The following STARD9 variants were observed in gnomAD, a reference collection of about 807,000 sequenced individuals.
The protein encoded by STARD9 is stAR-related lipid transfer protein 9.
In STARD9, 346 loss-of-function variants were observed where a neutral mutation model predicts 399.8. The ratio of observed to expected loss-of-function variants is 0.87; its 90% CI spans 0.79 to 0.95. The LOEUF (loss-of-function observed/expected upper bound fraction) is 0.95, where lower values mean the gene tolerates loss of function less well. STARD9 is among the 40% of genes least tolerant of loss of function. STARD9 has a pLI of 0.00. For missense variants in STARD9, 5,832 were observed against 5,667.5 expected, an observed-to-expected ratio of 1.03 and a Z score of -0.93; for synonymous variants, 2,203 against 2,143.5, an observed-to-expected ratio of 1.03 and a Z score of -0.77.
At chr15:42,612,701 C>A (rs1366003222) in intron 3 of STARD9, among the ~76,000 whole-genome samples, 1 of 152,088 alleles carries the variant, frequency 6.6e-6, no homozygotes, top group Non-Finnish European at 1.5e-5. Flanking sequence ...ATAGCAAAAT[C>A]CAGCAGGTTG....
rs1314640387 is a variant in STARD9 at position 42,718,046 on chromosome 15, G to GGGGGCAGGTGTGGTGTCCCA, written c.13631_13650dup (p.Pro4551GlyfsTer38). On this transcript the variant is annotated frameshift_variant, in exon 30 of 33. Transcript: ENST00000290607. LOFTEE classifies it high-confidence loss of function. Reference sequence around the variant, plus strand: ...TTTCTCCCACTCGGCATGGCTTCCTGGGGGCAGGTGTGGTGTCCCAGCCGC... The same window carrying GGGGGCAGGTGTGGTGTCCCA: ...TTTCTCCCACTCGGCATGGCTTCCTGGGGGCAGGTGTGGTGTCCCAGGGGCAGGTGTGGTGTCCCAGCCGC... 6.5e-7 allele frequency: 1 copy of GGGGGCAGGTGTGGTGTCCCA among 1,537,212 alleles called. No homozygotes were observed.
chr15:42,586,803 C>G (rs2058285491), intron 3 of STARD9, among the ~76,000 whole-genome samples: 1 of 151,074 alleles, frequency 6.6e-6, no homozygotes, highest in Admixed American at 6.6e-5. Context: ...AAAAGTCAAA[C>G]TATGTTTTCT....
At chr15:42,716,377 C>T (rs769218685) in intron 26 of STARD9, among the ~76,000 whole-genome samples, 1 of 152,134 alleles carries the variant, frequency 6.6e-6, no homozygotes, top group Non-Finnish European at 1.5e-5. Context: ...CCCTGGTACC[C>T]CCTAGCTTGG....
Position 42,689,865 on chromosome 15 carries a change from T to A in STARD9, c.8287T>A (p.Ser2763Thr), listed in dbSNP as rs1287653831. The change falls in exon 23 of 33, where the codon TCA (serine) becomes ACA (threonine). Residue 2763 changes from serine to threonine, a missense_variant. By Grantham distance (58) the Ser-to-Thr change is moderately conservative. Transcript: ENST00000290607. ...PRVTLHELSQ[S>T]VPQETAEGIP... The stretch of plus-strand genomic sequence containing the variant: ...AGTGACTCTGCATGAGCTAAGTCAG[T>A]CAGTTCCGCAGGAGACTGCAGAGGG... The A allele has an allele frequency of 6.5e-7, 1 of 1,537,250 alleles. No homozygotes were observed. The highest frequency in any genetic ancestry group is 1.4e-5 in the African/African-American group (1 of 72,976).
chr15:42,711,603 A>AGT (rs1355547384), intron 26 of STARD9, among the ~76,000 whole-genome samples: 2 of 152,252 alleles, frequency 1.3e-5, no homozygotes, highest in African/African-American at 4.8e-5. Context: ...CAGTGGAGAC[A>AGT]GTGATTTAAC....
Position 42,690,207 on chromosome 15 carries a change from A to T in STARD9, c.8629A>T (p.Lys2877Ter), listed in dbSNP as rs2060658228. The change falls in exon 23 of 33, where the codon AAG (lysine) becomes TAG (stop). Residue 2877 changes from lysine (K) to a stop codon, truncating the protein, a stop_gained. Coordinates refer to ENST00000290607, the MANE Select transcript of STARD9 (RefSeq NM_020759.3). LOFTEE classifies it high-confidence loss of function. The part of the protein sequence containing the change: ...EAPTQQCVQC[K>*]ESVGSGLTEV... Reference sequence around the variant, plus strand: ...TCCCACACAGCAGTGTGTGCAGTGTAAGGAGAGTGTTGGGTCTGGGTTGAC... The same window carrying T: ...TCCCACACAGCAGTGTGTGCAGTGTTAGGAGAGTGTTGGGTCTGGGTTGAC... The T allele has an allele frequency of 6.5e-7, 1 of 1,537,622 alleles. No homozygotes were observed. The highest frequency in any genetic ancestry group is 1.4e-5 in the African/African-American group (1 of 73,048).
chr15:42,663,795 T>A, intron 12 of STARD9, 25 bp from the exon 13 acceptor site: 1 of 1,505,934 alleles, frequency 6.6e-7, no homozygotes. Context: ...CTGGCATGTT[T>A]TTAAACTTTC....
rs1566947672 is a variant in STARD9 at position 42,692,172 on chromosome 15, T to A, written c.10594T>A (p.Tyr3532Asn). 1.3e-6 allele frequency: 2 copies of A among 1,537,046 alleles called. No homozygotes were observed. The highest frequency in any genetic ancestry group is 1.2e-5 in the South Asian group (1 of 84,056). Reference sequence around the variant, plus strand: ...CCCTTTCCACTCCCACCTCAGCACTTACGCCAATATTTGTGATCTGTCAAC... The same window carrying A: ...CCCTTTCCACTCCCACCTCAGCACTAACGCCAATATTTGTGATCTGTCAAC... ...NSPFHSHLST[Y>N]ANICDLSTTH... Residue 3532 changes from tyrosine (Y) to asparagine (N), a missense_variant, in exon 23 of 33, where the codon TAC becomes AAC. This residue lies in a region of STARD9 where 5,828 missense variants were observed against 5,651.1 expected (regional missense o/e 1.03). Coordinates refer to ENST00000290607, the MANE Select transcript of STARD9 (RefSeq NM_020759.3).
intron 12 of STARD9, 43 bp downstream of exon 12, chr15:42,663,533 T>C: frequency 1.3e-6 from 2 of 1,493,718 alleles, no homozygotes; most frequent in Admixed American, 2.0e-5. Context: ...GGACTGGTAC[T>C]CTATCTCAGA....
At position 42,718,510 on chromosome 15, in the gene STARD9, A is replaced by G. The variant is rs948626357; in HGVS notation, c.13838A>G (p.Lys4613Arg). The change falls in exon 31 of 33, where the codon AAA becomes AGA. Residue 4613 changes from lysine (K) to arginine (R), a missense_variant. Transcript: ENST00000290607. ...TTCTGTTGTGTCTGCGTGGAAGCCA[A>G]AGAGGTGCCTGCCTTGGTGGTAAAG... ...RDFCCVCVEA[K>R]EGHLSVMAAQ... 15 of 1,537,002 alleles carry G rather than the reference A, an allele frequency of 9.8e-6. No individual in the cohort carries two copies. In the African/African-American group the frequency reaches 1.8e-4, roughly 18 times the overall value.
intron 7 of STARD9, among the ~76,000 whole-genome samples, chr15:42,647,939 AT>A (rs1419500848): frequency 3.3e-5 from 5 of 152,362 alleles, no homozygotes; most frequent in African/African-American, 1.2e-4. Flanking sequence ...CCATTGATTT[AT>A]CAAAGTCTAA....
In STARD9 at chr15:42,682,278, A is replaced by G; in HGVS notation, c.2240A>G (p.His747Arg). Residue 747 changes from histidine (H) to arginine (R), a missense_variant, in exon 22 of 33, where the codon CAC becomes CGC. Coordinates refer to ENST00000290607, the MANE Select transcript of STARD9 (RefSeq NM_020759.3). ...GTCCAAAGTCAGAAAAGGGTGGTGC[A>G]CCTGCAGCTCCTGCGGAGACACACT... is the stretch of plus-strand genomic sequence containing the variant. Reference protein sequence around the residue: ...PFVQSQKRVVHLQLLRRHTLR... With the variant: ...PFVQSQKRVVRLQLLRRHTLR... 2 of 1,537,234 alleles carry G rather than the reference A, an allele frequency of 1.3e-6. No individual in the cohort carries two copies. The highest frequency in any genetic ancestry group is 1.7e-6 in the Non-Finnish European group (2 of 1,146,894).
At position 42,690,934 on chromosome 15, in the gene STARD9, C is replaced by T. The variant is rs1244090301; in HGVS notation, c.9356C>T (p.Ser3119Phe). The change falls in exon 23 of 33, where the codon TCT becomes TTT. Residue 3119 changes from serine (S) to phenylalanine (F), a missense_variant. Transcript: ENST00000290607. Reference sequence around the variant, plus strand: ...CCCCTGAGGCAGTTTAGGGACAGCTCTGTAGGTGACCAGAATGCACAGGTG... The same window carrying T: ...CCCCTGAGGCAGTTTAGGGACAGCTTTGTAGGTGACCAGAATGCACAGGTG... ...SEPLRQFRDS[S>F]VGDQNAQVCQ... The T allele has an allele frequency of 2.0e-6, 3 of 1,537,186 alleles. No homozygotes were observed. Among genetic ancestry groups the T allele is most frequent in the African/African-American group, 1.4e-5 (1 of 73,154 alleles).
chr15:42,698,809 T>A (rs927093443), intron 26 of STARD9, among the ~76,000 whole-genome samples: 1 of 152,182 alleles, frequency 6.6e-6, no homozygotes, highest in Non-Finnish European at 1.5e-5. Flanking sequence ...CATTTTCATA[T>A]GAGGTATGGA....
rs192367918 is a variant in STARD9, at chr15:42,650,924, A to G, written c.560-92A>G. On this transcript the variant is annotated intron_variant, in intron 7 of 32. Transcript: ENST00000290607. ...CCCTCATTTTTGTCTATTAAACAAT[A>G]TGAAATAGGAATGATAAAGACTTAC... 7.4e-4 allele frequency: 622 copies of G among 839,962 alleles called. 4 individuals are homozygous for G. In the African/African-American group the frequency reaches 0.01, roughly 14 times the overall value. The allele number at this position is 839,962 out of a possible 1,614,324, so 52.0% of individuals were successfully genotyped here. A position where few individuals can be genotyped will look rare whatever the true frequency, so the allele number is the denominator to read the frequency against.
At chr15:42,596,044 C>A (rs775430257) in intron 3 of STARD9, among the ~76,000 whole-genome samples, 15 of 152,136 alleles carry the variant, frequency 9.9e-5, no homozygotes, top group Admixed American at 7.2e-4. Context: ...CATGACTATG[C>A]AAAAATGAAC....
At chr15:42,694,476 T>G (rs915626479) in intron 23 of STARD9, 52 bp from the exon 24 acceptor site, 36 of 1,530,902 alleles carry the variant, frequency 2.4e-5, no homozygotes, top group Middle Eastern at 1.7e-4. Context: ...GAGATAGATC[T>G]TAAAGTGAAG....
chr15:42,635,039 C>A, intron 4 of STARD9, 67 bp downstream of exon 4: 2 of 758,814 alleles, frequency 2.6e-6, no homozygotes, highest in Admixed American at 2.9e-5. Flanking sequence ...GTCCTTACTA[C>A]TGTGAGACAG....
intron 7 of STARD9, among the ~76,000 whole-genome samples, chr15:42,645,173 T>C (rs2059622821): frequency 6.6e-6 from 1 of 152,222 alleles, no homozygotes; most frequent in Non-Finnish European, 1.5e-5. Flanking sequence ...TAATGCCATC[T>C]AAAACGGTGA....
Sources: allele counts gnomAD v4.1 joint callset (sites outside exome capture counted in the v4.1 genomes callset), GRCh38; gene constraint gnomAD v4.1.1; regional missense constraint gnomAD v4.1.1; transcripts MANE v1.5; gene names NCBI Gene and HGNC (gene_info 2026-07-23, HGNC 2026-07-21).